USP36: variants seen among roughly 807,000 people sequenced by gnomAD.
USP36 encodes ubiquitin carboxyl-terminal hydrolase 36.
USP36 carries 59 observed loss-of-function variants against 111.5 expected under a neutral mutation model. The ratio of observed to expected loss-of-function variants is 0.53; its 90% CI spans 0.43 to 0.66. The LOEUF is 0.66. USP36 is among the 30% of genes least tolerant of loss of function. The probability of loss-of-function intolerance (pLI) is 0.00; values close to 1 mark genes in which losing one functional copy is unlikely to be tolerated. For missense variants in USP36, 1,488 were observed against 1,468.0 expected, an observed-to-expected ratio of 1.01 and a Z score of -0.22; for synonymous variants, 628 against 581.0, an observed-to-expected ratio of 1.08 and a Z score of -1.16.
intron 17 of USP36, among the ~76,000 whole-genome samples, chr17:78,800,369 C>A (rs2093710895): frequency 6.6e-6 from 1 of 152,222 alleles, no homozygotes; most frequent in African/African-American, 2.4e-5. Context: ...ACCTGGTCCC[C>A]ATCAGCAACA....
chr17:78,793,200 C>T (rs2144843502), downstream of USP36, among the ~76,000 whole-genome samples: 1 of 152,146 alleles, frequency 6.6e-6, no homozygotes, highest in South Asian at 2.1e-4. Context: ...CTTTGGTTTC[C>T]CCATGTTGTT....
intron 10 of USP36, among the ~76,000 whole-genome samples, chr17:78,816,374 C>A (rs2094190053): frequency 6.6e-6 from 1 of 151,898 alleles, no homozygotes; most frequent in African/African-American, 2.4e-5. Flanking sequence ...ACCTATAATC[C>A]CAACACTTTG....
intron 6 of USP36, among the ~76,000 whole-genome samples, chr17:78,825,451 G>A (rs1326620922): frequency 6.6e-6 from 1 of 152,022 alleles, no homozygotes; most frequent in Non-Finnish European, 1.5e-5. Flanking sequence ...ACCAGTGAAA[G>A]CTCCCTCATG....
At chr17:78,789,750 G>C (rs755373712) in intron 3 of USP36, among the ~76,000 whole-genome samples, 1 of 152,220 alleles carries the variant, frequency 6.6e-6, no homozygotes, top group African/African-American at 2.4e-5. Flanking sequence ...CACGTGCCAC[G>C]GTTTGGGCGT....
chr17:78,827,642 C>T (rs566086265), intron 5 of USP36, among the ~76,000 whole-genome samples: 3 of 152,262 alleles, frequency 2.0e-5, no homozygotes, highest in Admixed American at 6.5e-5. Context: ...GTGGCTCACA[C>T]CTGTCACTCT....
At chr17:78,836,739 T>C (rs1489299545) in intron 2 of USP36, among the ~76,000 whole-genome samples, 1 of 152,054 alleles carries the variant, frequency 6.6e-6, no homozygotes, top group Non-Finnish European at 1.5e-5. Flanking sequence ...GTGGTCCAAA[T>C]GTCTGCTCCA....
intron 4 of USP36, among the ~76,000 whole-genome samples, chr17:78,832,587 G>A (rs1265527755): frequency 1.3e-5 from 2 of 152,162 alleles, no homozygotes; most frequent in Admixed American, 6.5e-5. Context: ...GCCAGGTTAC[G>A]GGGATTTACA....
downstream of USP36, among the ~76,000 whole-genome samples, chr17:78,791,228 G>A (rs766994027): frequency 1.1e-4 from 17 of 149,808 alleles, no homozygotes; most frequent in South Asian, 2.2e-4. Context: ...TCCACCTCCC[G>A]GGTTCAAGCG....
At position 78,803,358 on chromosome 17, in the gene USP36, C is replaced by T. The variant is rs1162477139; in HGVS notation, c.2810+27G>A. The T allele has an allele frequency of 6.3e-7, 1 of 1,597,428 alleles. No individual in the cohort carries two copies. Among genetic ancestry groups the T allele is most frequent in the Non-Finnish European group, 8.6e-7 (1 of 1,168,784 alleles). On this transcript the variant is annotated intron_variant, in intron 16 of 20. Coordinates refer to ENST00000449938, the MANE Select transcript of USP36 (RefSeq NM_001385174.1). The surrounding 1 kb of genome is among the most constrained non-coding windows in gnomAD (Gnocchi z 4.6). ...TGCTTTGTTTCTCGTCAGAGGTAGACAGATGCCACTTTGCTCCTGCCCTTA... is the reference window on the plus strand; with the variant it reads ...TGCTTTGTTTCTCGTCAGAGGTAGATAGATGCCACTTTGCTCCTGCCCTTA...
In USP36 at chr17:78,797,308, C is replaced by T. The variant is rs2093644082; in HGVS notation, c.*592G>A. 1 of 152,264 alleles carries T rather than the reference C, an allele frequency of 6.6e-6. No individual in the cohort carries two copies. Among genetic ancestry groups the T allele is most frequent in the Admixed American group, 6.5e-5 (1 of 15,290 alleles). The allele number at this position is 152,264 out of a possible 1,614,324, so 9.4% of individuals were successfully genotyped here. ...GAGCTACTCACAAGGAAGGGGTGCA[C>T]AGTAGGGCCACCCTCTCGAGTTCCA... On this transcript the variant is annotated 3_prime_UTR_variant, in exon 21 of 21. Coordinates refer to ENST00000449938, the MANE Select transcript of USP36 (RefSeq NM_001385174.1).
At chr17:78,802,271 C>T in intron 17 of USP36, 53 bp downstream of exon 17, 1 of 1,403,272 alleles carries the variant, frequency 7.1e-7, no homozygotes, top group Non-Finnish European at 9.6e-7. Context: ...GGTCCCCCAA[C>T]CCCTCGCCCG....
intron 10 of USP36, among the ~76,000 whole-genome samples, chr17:78,815,858 CAT>C (rs1240264126): frequency 6.6e-6 from 1 of 152,014 alleles, no homozygotes; most frequent in Non-Finnish European, 1.5e-5. Flanking sequence ...CATATGCATG[CAT>C]ACACATGTAC....
At chr17:78,793,862 A>C (rs1025062243), downstream of USP36, among the ~76,000 whole-genome samples, 1 of 152,088 alleles carries the variant, frequency 6.6e-6, no homozygotes, top group African/African-American at 2.4e-5. Flanking sequence ...CTCGGAGTTC[A>C]CCCACTGCCT....
intron 6 of USP36, among the ~76,000 whole-genome samples, chr17:78,823,373 C>T (rs2094376879): frequency 6.6e-6 from 1 of 152,134 alleles, no homozygotes; most frequent in Admixed American, 6.5e-5. Flanking sequence ...ATCCAGAAGC[C>T]CGCAAGCACC....
intron 12 of USP36, among the ~76,000 whole-genome samples, 176 bp from the exon 13 acceptor site, chr17:78,813,177 T>C (rs188829377): frequency 1.8e-4 from 27 of 152,252 alleles, no homozygotes; most frequent in Middle Eastern, 3.4e-3. Context: ...GGCTGAGAGA[T>C]CAGCCCCAAG....
chr17:78,836,370 T>C lies in USP36; in HGVS notation c.-7A>G, dbSNP rs2068667399. ...ACTTATCCACTATTGGCATGGTGCA[T>C]CACTGTGGGGACAAGAAGAAACATA... is the stretch of plus-strand genomic sequence containing the variant. On this transcript the variant is annotated splice_region_variant and 5_prime_UTR_variant, in exon 3 of 21. It removes an upstream start codon present in the reference 5' UTR. Coordinates refer to ENST00000449938, the MANE Select transcript of USP36 (RefSeq NM_001385174.1). 6.2e-7 allele frequency: 1 copy of C among 1,613,006 alleles called. No individual in the cohort carries two copies. Among genetic ancestry groups the C allele is most frequent in the African/African-American group, 1.3e-5 (1 of 74,806 alleles).
rs2093661777 is a variant in USP36 at position 78,798,257 on chromosome 17, C to T, written c.*20+143G>A. ...GACACACACCACAGACGCGCCCACA[C>T]CACACACACCACCCAACACACATGT... On this transcript the variant is annotated intron_variant, in intron 20 of 20. Coordinates refer to ENST00000449938, the MANE Select transcript of USP36 (RefSeq NM_001385174.1). The surrounding 1 kb of genome is among the most constrained non-coding windows in gnomAD (Gnocchi z 5.1). 3 of 1,144,464 alleles carry T rather than the reference C, an allele frequency of 2.6e-6. No homozygotes were observed. The highest frequency in any genetic ancestry group is 3.6e-6 in the Non-Finnish European group (3 of 823,052). The allele number at this position is 1,144,464 out of a possible 1,614,324, so 70.9% of individuals were successfully genotyped here.
At chr17:78,805,380 A>G (rs1033389966) in intron 15 of USP36, among the ~76,000 whole-genome samples, 1 of 152,194 alleles carries the variant, frequency 6.6e-6, no homozygotes, top group Non-Finnish European at 1.5e-5. Context: ...TTGTGTGTGT[A>G]TATGTGAGAG....
rs2094279562 is a variant in USP36 at position 78,819,948 on chromosome 17, T to TTC, written c.891_892dup (p.Asn298ArgfsTer28). ...AACTTACTTAGCACACATGTAGGCATTCTCTCCACTCAGGACATCTGCTTT... is the reference window on the plus strand; with the variant it reads ...AACTTACTTAGCACACATGTAGGCATTCTCTCTCCACTCAGGACATCTGCTTT... On this transcript the variant is annotated frameshift_variant, in exon 9 of 21. Transcript: ENST00000449938. LOFTEE classifies it high-confidence loss of function. The TTC allele has an allele frequency of 6.2e-7, 1 of 1,614,130 alleles. No individual in the cohort carries two copies. Among genetic ancestry groups the TTC allele is most frequent in the Non-Finnish European group, 8.5e-7 (1 of 1,179,996 alleles).
Sources: allele counts gnomAD v4.1 joint callset (sites outside exome capture counted in the v4.1 genomes callset), GRCh38; gene constraint gnomAD v4.1.1; non-coding constraint Gnocchi (gnomAD v3.1); transcripts MANE v1.5; gene names NCBI Gene and HGNC (gene_info 2026-07-23, HGNC 2026-07-21).